ZNF541: variants seen among roughly 807,000 people sequenced by gnomAD.
The protein encoded by ZNF541 is zinc finger protein 541.
A neutral mutation model predicts 123.5 loss-of-function variants in ZNF541; 23 were observed. The ratio of observed to expected loss-of-function variants is 0.19; its 90% CI spans 0.13 to 0.26. The LOEUF is 0.26. Ranked by LOEUF, ZNF541 falls within the 10% of genes least tolerant of loss-of-function variation. ZNF541 has a pLI of 1.00. For missense variants in ZNF541, 1,612 were observed against 1,789.9 expected (o/e 0.90, Z 1.79); for synonymous variants, 751 against 754.5 (o/e 1.00, Z 0.08).
chr19:47,561,670 C>T (rs1971067876), intron 2 of ZNF541, among the ~76,000 whole-genome samples: 1 of 151,842 alleles, frequency 6.6e-6, no homozygotes, highest in Non-Finnish European at 1.5e-5. Context: ...GGAAGCAGTG[C>T]CCCGCTGCAA....
intron 11 of ZNF541, 88 bp from the exon 12 acceptor site, chr19:47,531,833 G>A: frequency 1.6e-6 from 2 of 1,222,424 alleles, no homozygotes; most frequent in Non-Finnish European, 2.3e-6. Context: ...CAGCAGAGAG[G>A]GGGTGCCTTC....
chr19:47,545,345 G>A lies in ZNF541; in HGVS notation c.1184C>T (p.Pro395Leu). 6.5e-7 allele frequency: 1 copy of A among 1,543,106 alleles called. No individual in the cohort carries two copies. Among genetic ancestry groups the A allele is most frequent in the African/African-American group, 1.4e-5 (1 of 72,974 alleles). Residue 395 changes from proline (P) to leucine (L), a missense_variant, in exon 5 of 17, where the codon CCT becomes CTT. Physicochemically the swap from Pro to Leu is moderately conservative, Grantham distance 98 (BLOSUM62 -3). Coordinates refer to ENST00000391901, the MANE Select transcript of ZNF541 (RefSeq NM_001277075.3). This position sits in a 1 kb window ranked among gnomAD's most constrained non-coding sequence, Gnocchi z 7.5. Reference protein sequence around the residue: ...PEGGSVPACLPLFRGQTVPAS... With the variant: ...PEGGSVPACLLLFRGQTVPAS... The stretch of plus-strand genomic sequence containing the variant: ...AGGGACCGTCTGGCCTCGGAAGAGA[G>A]GCAGGCAGGCAGGCACGGAGCCGCC...
chr19:47,541,083 A>G, intron 5 of ZNF541, 132 bp from the exon 6 acceptor site: 1 of 771,160 alleles, frequency 1.3e-6, no homozygotes, highest in East Asian at 3.0e-5. Flanking sequence ...TTTCTTAGAT[A>G]AGACACCAAA....
In ZNF541 at chr19:47,539,805, C is replaced by A. The variant is rs1214990217; in HGVS notation, c.2696G>T (p.Gly899Val). 7.4e-6 allele frequency: 11 copies of A among 1,488,348 alleles called. No homozygotes were observed. The highest frequency in any genetic ancestry group is 1.4e-5 in the South Asian group (1 of 73,526). 92.2% of individuals were successfully genotyped at this position (1,488,348 alleles called of 1,614,324 possible). The change falls in exon 8 of 17, where the codon GGA becomes GTA. Residue 899 changes from glycine (G) to valine (V), a missense_variant. By Grantham distance (109) the Gly-to-Val change is moderately radical. Around this residue, in one of 5 missense-constraint regions of ZNF541, gnomAD observed 1,080 missense variants for 1,013.8 expected, o/e 1.07. Coordinates refer to ENST00000391901, the MANE Select transcript of ZNF541 (RefSeq NM_001277075.3). Reference protein sequence around the residue: ...RPEGDRHSPPGTKKPLDPTAA... With the variant: ...RPEGDRHSPPVTKKPLDPTAA... ...TGTGGGGTCCAAGGGCTTCTTGGTTCCTGGGGGACTATGCCTGTCCCCTTC... is the reference window on the plus strand; with the variant it reads ...TGTGGGGTCCAAGGGCTTCTTGGTTACTGGGGGACTATGCCTGTCCCCTTC...
chr19:47,563,148 G>A (rs952823857), intron 2 of ZNF541, among the ~76,000 whole-genome samples: 1 of 152,154 alleles, frequency 6.6e-6, no homozygotes, highest in Non-Finnish European at 1.5e-5. Flanking sequence ...GCCTATTGAG[G>A]CAGCACAAAT....
chr19:47,558,460 A>G (rs946158748), intron 2 of ZNF541, among the ~76,000 whole-genome samples: 1 of 151,982 alleles, frequency 6.6e-6, no homozygotes, highest in Non-Finnish European at 1.5e-5. Flanking sequence ...AATACTATAA[A>G]CAACTGTATT....
intron 9 of ZNF541, among the ~76,000 whole-genome samples, chr19:47,536,671 T>C (rs1035684465): frequency 3.3e-5 from 5 of 151,978 alleles, no homozygotes; most frequent in African/African-American, 1.2e-4. Flanking sequence ...AGCAGAAGGA[T>C]CAGTTGAGCC....
At chr19:47,537,722 A>G (rs1969887666) in intron 9 of ZNF541, among the ~76,000 whole-genome samples, 1 of 151,914 alleles carries the variant, frequency 6.6e-6, no homozygotes, top group Non-Finnish European at 1.5e-5. Context: ...AGAAAAATAA[A>G]AAATTAGCCA....
Position 47,545,517 on chromosome 19 carries a change from G to T in ZNF541, c.1012C>A (p.Pro338Thr). Residue 338 changes from proline (P) to threonine (T), a missense_variant, in exon 5 of 17, where the codon CCT (proline) becomes ACT (threonine). Physicochemically the swap from Pro to Thr is conservative, Grantham distance 38 (BLOSUM62 -1). Coordinates refer to ENST00000391901, the MANE Select transcript of ZNF541 (RefSeq NM_001277075.3). The surrounding 1 kb of genome is among the most constrained non-coding windows in gnomAD (Gnocchi z 7.5). ...AALDTELPEE[P>T]CLPQKEPATD... ...GCCGGCTCTTTCTGTGGGAGGCAAG[G>T]CTCCTCGGGAAGCTCGGTGTCCAGC... 6.6e-7 allele frequency: 1 copy of T among 1,510,384 alleles called. No homozygotes were observed. 93.6% of individuals were successfully genotyped at this position (1,510,384 alleles called of 1,614,324 possible).
chr19:47,556,656 G>C (rs568874725), intron 2 of ZNF541, among the ~76,000 whole-genome samples: 1 of 151,954 alleles, frequency 6.6e-6, no homozygotes, highest in East Asian at 1.9e-4. Context: ...GACAGGCTGT[G>C]AGTGTAAAAT....
Position 47,539,870 on chromosome 19 carries a change from G to T in ZNF541, c.2631C>A (p.Gly877=). ...PRGKQEPQVF[G]TEFCKPLRQV... is the part of the protein sequence containing the mutation. ...GTCTTAGCGGCTTGCAAAACTCTGT[G>T]CCAAACACCTAAACACAGAAGAGAA... The change falls in exon 8 of 17, where the codon GGC becomes GGA. Residue 877 remains glycine, a synonymous_variant. Transcript: ENST00000391901. 1 of 1,524,296 alleles carries T rather than the reference G, an allele frequency of 6.6e-7. No homozygotes were observed. 94.4% of individuals were successfully genotyped at this position (1,524,296 alleles called of 1,614,324 possible).
chr19:47,530,160 C>G (rs1326817313), intron 12 of ZNF541, among the ~76,000 whole-genome samples: 2 of 151,112 alleles, frequency 1.3e-5, no homozygotes, highest in Non-Finnish European at 2.9e-5. Context: ...AGCTAGCTAA[C>G]AATTTTCTTT....
Position 47,544,912 on chromosome 19 carries a change from G to C in ZNF541, c.1617C>G (p.Arg539=), listed in dbSNP as rs1198736211. 1 of 1,535,872 alleles carries C rather than the reference G, an allele frequency of 6.5e-7. No homozygotes were observed. Among genetic ancestry groups the C allele is most frequent in the Admixed American group, 2.0e-5 (1 of 51,002 alleles). The part of the protein sequence containing the change: ...GLPADASPLF[R]QLFLKSQEPL... ...GTTCCTGCGACTTGAGGAAGAGCTG[G>C]CGGAAGAGCGGCGAGGCATCCGCAG... Residue 539 remains arginine, a synonymous_variant, in exon 5 of 17, where the codon CGC becomes CGG. Transcript: ENST00000391901.
chr19:47,544,542 GTGC>G lies in ZNF541; in HGVS notation c.1984_1986del (p.Ala662del), dbSNP rs1413836956. The stretch of plus-strand genomic sequence containing the variant: ...GGATTCCTGGAAGGGTCCAGAGACG[GTGC>G]TGCAAGGGGCGTTGGAACCGCGGCC... On this transcript the variant is annotated inframe_deletion, in exon 5 of 17. Transcript: ENST00000391901. The G allele has an allele frequency of 6.4e-7, 1 of 1,551,604 alleles. No homozygotes were observed. The highest frequency in any genetic ancestry group is 8.7e-7 in the Non-Finnish European group (1 of 1,146,982).
In ZNF541 at chr19:47,521,141, G is replaced by A; in HGVS notation, c.*83C>T. ...GGGACAGGGAGGGTGGGGGGAGGCA[G>A]AGGGGTGCCCCAAACGCCCTGGAGA... On this transcript the variant is annotated 3_prime_UTR_variant, in exon 17 of 17. Transcript: ENST00000391901. The surrounding 1 kb of genome is among the most constrained non-coding windows in gnomAD (Gnocchi z 4.2). 6.8e-7 allele frequency: 1 copy of A among 1,478,446 alleles called. No homozygotes were observed. Among genetic ancestry groups the A allele is most frequent in the Non-Finnish European group, 9.1e-7 (1 of 1,104,576 alleles). The allele number at this position is 1,478,446 out of a possible 1,614,324, so 91.6% of individuals were successfully genotyped here.
At chr19:47,561,925 C>T (rs891304991) in intron 2 of ZNF541, among the ~76,000 whole-genome samples, 1 of 152,164 alleles carries the variant, frequency 6.6e-6, no homozygotes. Context: ...AATCCCATTC[C>T]CAGAGTTACC....
In ZNF541 at chr19:47,557,742, G is replaced by T. The variant is rs2914014; in HGVS notation, c.-98-1788C>A. 3.6e-3 allele frequency among the ~76,000 whole-genome samples: 545 copies of T among 152,038 alleles called. 1 individual carries two copies. Among genetic ancestry groups the T allele is most frequent in the African/African-American group, 0.013 (524 of 41,402 alleles). On this transcript the variant is annotated intron_variant, in intron 2 of 16. Transcript: ENST00000391901. The stretch of plus-strand genomic sequence containing the variant: ...TAGTCCCAGCTATTCAGAAGGCTGA[G>T]GCAGGAGGATCACTTCAGCCTGGGA...
intron 14 of ZNF541, among the ~76,000 whole-genome samples, chr19:47,522,794 T>A (rs1254290745): frequency 6.8e-6 from 1 of 147,754 alleles, no homozygotes; most frequent in Non-Finnish European, 1.5e-5. Context: ...TCGCCCAGGC[T>A]GGAGTGCAAT....
At chr19:47,549,564 C>T (rs966890811) in intron 3 of ZNF541, 79 bp from the exon 4 acceptor site, 1 of 1,522,996 alleles carries the variant, frequency 6.6e-7, no homozygotes, top group Non-Finnish European at 8.8e-7. Context: ...CTCTACACCT[C>T]TTAGAACCAT....
Sources: allele counts gnomAD v4.1 joint callset (sites outside exome capture counted in the v4.1 genomes callset), GRCh38; gene constraint gnomAD v4.1.1; regional missense constraint gnomAD v4.1.1; non-coding constraint Gnocchi (gnomAD v3.1); transcripts MANE v1.5; gene names NCBI Gene and HGNC (gene_info 2026-07-23, HGNC 2026-07-21).